The following PITPNC1 variants were observed in gnomAD, a reference collection of about 807,000 sequenced individuals.
PITPNC1 encodes the protein phosphatidylinositol transfer protein cytoplasmic 1.
Under a neutral mutation model 44.7 loss-of-function variants are expected in PITPNC1, and 18 were observed. The ratio of observed to expected loss-of-function variants is 0.40; its 90% confidence interval spans 0.28 to 0.60. The LOEUF (loss-of-function observed/expected upper bound fraction) is 0.60. Ranked by LOEUF, PITPNC1 falls within the 20% of genes least tolerant of loss-of-function variation. PITPNC1 has a pLI of 0.39. For missense variants in PITPNC1, 290 were observed against 418.4 expected, an observed-to-expected ratio of 0.69 and a Z score of 2.68; for synonymous variants, 141 against 149.6, an observed-to-expected ratio of 0.94 and a Z score of 0.42.
At chr17:67,513,688 G>A (rs1385746634) in intron 1 of PITPNC1, among the ~76,000 whole-genome samples, 1 of 151,802 alleles carries the variant, frequency 6.6e-6, no homozygotes. Context: ...ATCAATGAGT[G>A]GTCACGTGTG....
chr17:67,514,324 C>T (rs888730570), intron 1 of PITPNC1, among the ~76,000 whole-genome samples: 12 of 151,914 alleles, frequency 7.9e-5, no homozygotes, highest in South Asian at 2.1e-4. Flanking sequence ...CCTCAACCTC[C>T]GAGTAGCTGA....
chr17:67,500,935 C>G (rs917439898), intron 1 of PITPNC1, among the ~76,000 whole-genome samples: 1 of 152,044 alleles, frequency 6.6e-6, no homozygotes, highest in Non-Finnish European at 1.5e-5. Flanking sequence ...AGCAGTCCTC[C>G]CATCTCTGCC....
intron 5 of PITPNC1, among the ~76,000 whole-genome samples, chr17:67,588,856 C>T (rs559486248): frequency 1.8e-4 from 28 of 152,268 alleles, no homozygotes; most frequent in Non-Finnish European, 3.5e-4. Context: ...CCTTAAATGG[C>T]TTCTAATTGA....
chr17:67,429,743 C>CT (rs1364169687), intron 1 of PITPNC1, among the ~76,000 whole-genome samples: 1 of 151,134 alleles, frequency 6.6e-6, no homozygotes, highest in East Asian at 1.9e-4. Context: ...CACCATTATT[C>CT]TTTTATTCAT....
chr17:67,651,778 T>C (rs988820474), intron 6 of PITPNC1, among the ~76,000 whole-genome samples: 2 of 152,236 alleles, frequency 1.3e-5, no homozygotes, highest in African/African-American at 4.8e-5. Context: ...TTTCTGGGCA[T>C]TTCATATGAA....
At chr17:67,504,474 G>GAACA (rs1252376082) in intron 1 of PITPNC1, among the ~76,000 whole-genome samples, 1 of 152,144 alleles carries the variant, frequency 6.6e-6, no homozygotes, top group East Asian at 1.9e-4. Flanking sequence ...AACTATTGAA[G>GAACA]AACAAGTTTT....
At chr17:67,549,680 C>T (rs73994846) in intron 2 of PITPNC1, among the ~76,000 whole-genome samples, 9,080 of 151,972 alleles carry the variant, frequency 0.06, 474 homozygotes, top group African/African-American at 0.14. Context: ...AATTACGGGG[C>T]GAGGAGGTAC....
At chr17:67,661,148 G>A (rs1446385139) in intron 6 of PITPNC1, among the ~76,000 whole-genome samples, 1 of 151,234 alleles carries the variant, frequency 6.6e-6, no homozygotes, top group Non-Finnish European at 1.5e-5. Context: ...ACGCCCAGTC[G>A]AATCACATTC....
At chr17:67,653,394 C>T (rs754735548) in intron 6 of PITPNC1, among the ~76,000 whole-genome samples, 8 of 152,286 alleles carry the variant, frequency 5.3e-5, no homozygotes, top group Middle Eastern at 3.4e-3. Flanking sequence ...TGCCAAGGAA[C>T]GCCCAGGGGA....
At chr17:67,408,943 C>T (rs577628346) in intron 1 of PITPNC1, 19 of 152,130 alleles carry the variant, frequency 1.2e-4, no homozygotes, top group Admixed American at 9.8e-4. Context: ...TTCCTGAATG[C>T]AAGGTCACAA....
intron 4 of PITPNC1, among the ~76,000 whole-genome samples, chr17:67,559,132 C>T (rs1286595908): frequency 6.6e-6 from 1 of 152,202 alleles, no homozygotes; most frequent in Non-Finnish European, 1.5e-5. Flanking sequence ...CAGTGACCCC[C>T]ATTCCTCCCA....
intron 6 of PITPNC1, among the ~76,000 whole-genome samples, chr17:67,666,198 G>A (rs2042419994): frequency 6.6e-6 from 1 of 152,170 alleles, no homozygotes; most frequent in African/African-American, 2.4e-5. Flanking sequence ...ATCTTGCTAT[G>A]TTGGCCAGGC....
At chr17:67,662,803 G>C (rs534858267) in intron 6 of PITPNC1, among the ~76,000 whole-genome samples, 9 of 152,172 alleles carry the variant, frequency 5.9e-5, no homozygotes, top group African/African-American at 2.2e-4. Flanking sequence ...TTAGATACAG[G>C]GGGTACATGT....
chr17:67,589,275 C>T (rs116957062), intron 5 of PITPNC1, among the ~76,000 whole-genome samples: 53 of 152,322 alleles, frequency 3.5e-4, no homozygotes, highest in Admixed American at 9.8e-4. Context: ...TTCTGATTCT[C>T]AGAGGTATAG....
intron 6 of PITPNC1, among the ~76,000 whole-genome samples, chr17:67,661,983 C>T (rs541210663): frequency 2.3e-4 from 31 of 135,912 alleles, no homozygotes; most frequent in African/African-American, 9.0e-4. Context: ...CAACAAAGTG[C>T]GACTCCATCT....
intron 1 of PITPNC1, among the ~76,000 whole-genome samples, chr17:67,501,602 C>T (rs943781275): frequency 8.5e-5 from 13 of 152,132 alleles, no homozygotes; most frequent in African/African-American, 2.4e-4. Flanking sequence ...GAGGCCAAGG[C>T]GGGCAGATTG....
intron 1 of PITPNC1, among the ~76,000 whole-genome samples, chr17:67,479,766 A>G (rs909127568): frequency 3.3e-5 from 5 of 152,194 alleles, no homozygotes; most frequent in Admixed American, 2.6e-4. Context: ...TTTAGGTTCT[A>G]AGGACTGGCA....
chr17:67,553,305 T>G, intron 3 of PITPNC1: 1 of 234,304 alleles, frequency 4.3e-6, no homozygotes, highest in Non-Finnish European at 8.2e-6. Flanking sequence ...TCTACTGGAA[T>G]TATTAGTCTT....
intron 5 of PITPNC1, among the ~76,000 whole-genome samples, chr17:67,580,647 A>G (rs1410664267): frequency 6.6e-6 from 1 of 152,096 alleles, no homozygotes; most frequent in African/African-American, 2.4e-5. Flanking sequence ...GGCTGGAAAA[A>G]AATTTTTTAA....
Sources: gnomAD v4.1 joint callset for allele counts (sites outside exome capture counted in the v4.1 genomes callset) on GRCh38, gnomAD v4.1.1 for gene constraint, MANE v1.5 for transcripts, NCBI Gene and HGNC (gene_info 2026-07-23, HGNC 2026-07-21) for gene names.